TG: variants seen among roughly 807,000 people sequenced by gnomAD.
TG encodes the protein thyroglobulin, also known as thyroid hormones.
A neutral mutation model predicts 324.7 loss-of-function variants in TG; 270 were observed. That is an observed-to-expected ratio of 0.83 (90% CI 0.75 to 0.92). The LOEUF (loss-of-function observed/expected upper bound fraction) is 0.92. Among genes scored for constraint, TG ranks in the 40% least tolerant of loss-of-function variants. The pLI is 0.00. For synonymous variants in TG, 1,401 were observed against 1,327.0 expected (o/e 1.06, Z -1.21); for missense variants, 3,591 against 3,456.4 (o/e 1.04, Z -0.98).
At chr8:133,014,836 C>T (rs1452348983) in intron 37 of TG, among the ~76,000 whole-genome samples, 1 of 152,196 alleles carries the variant, frequency 6.6e-6, no homozygotes, top group Non-Finnish European at 1.5e-5. Flanking sequence ...GGCCCTCAAT[C>T]GTAAGTCTTG....
intron 35 of TG, chr8:133,002,343 T>C: frequency 3.0e-6 from 3 of 985,410 alleles, no homozygotes; most frequent in Non-Finnish European, 3.6e-6. Context: ...ATGATTTAGT[T>C]GGACTGTCTT....
At chr8:132,918,719 C>T (rs1376230964) in intron 20 of TG, among the ~76,000 whole-genome samples, 1 of 152,174 alleles carries the variant, frequency 6.6e-6, no homozygotes, top group Non-Finnish European at 1.5e-5. Flanking sequence ...CCGTCCTTAA[C>T]CTTGAACCTC....
chr8:132,968,113 C>A (rs958523154), intron 31 of TG, 143 bp downstream of exon 31: 2 of 1,020,896 alleles, frequency 2.0e-6, no homozygotes, highest in Non-Finnish European at 2.9e-6. Context: ...GAACATGGAT[C>A]CAAACTTTCA....
intron 29 of TG, among the ~76,000 whole-genome samples, chr8:132,964,022 T>C (rs1271771730): frequency 1.3e-5 from 2 of 151,966 alleles, no homozygotes; most frequent in East Asian, 1.9e-4. Context: ...ACTTAACACA[T>C]GCCTAAAAAA....
intron 45 of TG, among the ~76,000 whole-genome samples, chr8:133,123,655 C>T (rs16893339): frequency 0.012 from 1,796 of 152,300 alleles, 35 homozygotes; most frequent in African/African-American, 0.042. Context: ...CCAGGAAGAG[C>T]CCCATCTGTG....
At chr8:132,929,846 A>G (rs1257417615) in intron 23 of TG, among the ~76,000 whole-genome samples, 1 of 152,236 alleles carries the variant, frequency 6.6e-6, no homozygotes, top group African/African-American at 2.4e-5. Flanking sequence ...AATATTAAAA[A>G]ATAATCTCAT....
chr8:133,017,650 A>T (rs1198412208), intron 37 of TG, 128 bp from the exon 38 acceptor site: 11 of 905,426 alleles, frequency 1.2e-5, no homozygotes, highest in Non-Finnish European at 2.0e-5. Flanking sequence ...TGAATGAATG[A>T]TTGACATTTT....
rs561370673 is a variant in TG, at chr8:133,133,565, A to G, written c.8093A>G (p.Lys2698Arg). Residue 2698 changes from lysine (K) to arginine (R), a missense_variant, in exon 47 of 48, where the codon AAG becomes AGG. Physicochemically the swap from Lys to Arg is conservative, Grantham distance 26 (BLOSUM62 2). Transcript: ENST00000220616. ...CCCCGTGCTGGTGGAGAGAACTACAAGGAGTTCAGTGAGCTGCTCCCCAAT... is the reference window on the plus strand; with the variant it reads ...CCCCGTGCTGGTGGAGAGAACTACAGGGAGTTCAGTGAGCTGCTCCCCAAT... The part of the protein sequence containing the change: ...FVPRAGGENY[K>R]EFSELLPNRQ... 3 of 1,614,224 alleles carry G rather than the reference A, an allele frequency of 1.9e-6. No homozygotes were observed. Among genetic ancestry groups the G allele is most frequent in the African/African-American group, 1.3e-5 (1 of 75,052 alleles).
chr8:132,976,493 G>T (rs1195460665), intron 34 of TG, among the ~76,000 whole-genome samples: 1 of 152,206 alleles, frequency 6.6e-6, no homozygotes, highest in Admixed American at 6.5e-5. Context: ...AGGAGGTGTG[G>T]AAGCCTGTTG....
chr8:132,995,579 A>G (rs1011953994), intron 35 of TG: 37 of 950,726 alleles, frequency 3.9e-5, no homozygotes, highest in Non-Finnish European at 4.0e-5. Flanking sequence ...CCACGCACCC[A>G]GGATCATGCA....
chr8:133,093,815 T>TC (rs1459445175), intron 41 of TG, among the ~76,000 whole-genome samples: 2 of 152,152 alleles, frequency 1.3e-5, no homozygotes, highest in African/African-American at 4.8e-5. Flanking sequence ...TGGGGTCAGA[T>TC]CCCAGCCCTG....
At chr8:133,075,973 T>G (rs540110559) in intron 41 of TG, 1 of 152,324 alleles carries the variant, frequency 6.6e-6, no homozygotes, top group East Asian at 1.9e-4. Context: ...ATGTTATACA[T>G]TATGTAAATA....
chr8:133,083,835 C>G (rs932147795), intron 41 of TG, among the ~76,000 whole-genome samples: 1 of 152,172 alleles, frequency 6.6e-6, no homozygotes, highest in Non-Finnish European at 1.5e-5. Flanking sequence ...GCTGCCCCGT[C>G]CAGGTTCTAG....
rs1448529446 is a variant in TG at position 132,986,777 on chromosome 8, A to G, written c.6262+3365A>G. On this transcript the variant is annotated intron_variant, in intron 35 of 47. Transcript: ENST00000220616. ...ATTGGGCTTGAGAAATTTACATTTT[A>G]AGACCCTAGATTTATATTGCCAAAT... Among the ~76,000 whole-genome samples the G allele has an allele frequency of 4.6e-5, 7 of 152,208 alleles. No homozygotes were observed. The South Asian group carries it at 1.4e-3, about 31-fold the overall frequency.
In TG at chr8:132,913,065, A is replaced by G; in HGVS notation, c.4178A>G (p.Lys1393Arg). The change falls in exon 20 of 48, where the codon AAG becomes AGG. Residue 1393 changes from lysine to arginine, a missense_variant. Lys to Arg is a conservative substitution (Grantham distance 26). Coordinates refer to ENST00000220616, the MANE Select transcript of TG (RefSeq NM_003235.5). ...LHDIERALVG[K>R]DLLGRFTDLI... is the part of the protein sequence containing the mutation. Reference sequence around the variant, plus strand: ...CTTACAGAGAGAGCCTTGGTGGGCAAGGATCTCCTTGGGCGCTTCACAGAT... The same window carrying G: ...CTTACAGAGAGAGCCTTGGTGGGCAGGGATCTCCTTGGGCGCTTCACAGAT... 3 of 1,614,132 alleles carry G rather than the reference A, an allele frequency of 1.9e-6. No individual in the cohort carries two copies. The highest frequency in any genetic ancestry group is 2.5e-6 in the Non-Finnish European group (3 of 1,180,014).
intron 44 of TG, among the ~76,000 whole-genome samples, chr8:133,115,992 C>G (rs1400288874): frequency 2.0e-5 from 3 of 151,988 alleles, no homozygotes; most frequent in Non-Finnish European, 2.9e-5. Flanking sequence ...TCAGCAGCAT[C>G]CTGACCCCCA....
Position 132,901,377 on chromosome 8 carries a change from A to G in TG, c.3458A>G (p.Lys1153Arg), listed in dbSNP as rs1468342016. 6.2e-7 allele frequency: 1 copy of G among 1,614,194 alleles called. No homozygotes were observed. Among genetic ancestry groups the G allele is most frequent in the South Asian group, 1.1e-5 (1 of 91,090 alleles). The change falls in exon 16 of 48, where the codon AAG becomes AGG. Residue 1153 changes from lysine (K) to arginine (R), a missense_variant. By Grantham distance (26) the Lys-to-Arg change is conservative. Transcript: ENST00000220616. ...AQCPSLCNVLKSGVLSRRVSP... is the reference protein window; with the variant it reads ...AQCPSLCNVLRSGVLSRRVSP... ...GGCCCAAGCCTCTGCAATGTGCTCA[A>G]GAGTGGAGTCCTCTCCAGGAGAGTC...
chr8:133,019,730 A>C (rs1194594987), intron 39 of TG, 35 bp downstream of exon 39: 1 of 1,566,290 alleles, frequency 6.4e-7, no homozygotes, highest in East Asian at 2.3e-5. Context: ...GTTGCCCTGA[A>C]GACTGTCCCA....
chr8:133,105,318 G>A (rs1280650538), intron 43 of TG, among the ~76,000 whole-genome samples: 3 of 152,222 alleles, frequency 2.0e-5, no homozygotes, highest in African/African-American at 7.2e-5. Flanking sequence ...GAGGAGATGT[G>A]CTGTGAACTA....
Sources: gnomAD v4.1 joint callset for allele counts (sites outside exome capture counted in the v4.1 genomes callset) on GRCh38, gnomAD v4.1.1 for gene constraint, MANE v1.5 for transcripts, NCBI Gene and HGNC (gene_info 2026-07-23, HGNC 2026-07-21) for gene names.